The following CYB5B variants were observed in gnomAD, a reference collection of about 807,000 sequenced individuals.
The protein encoded by CYB5B is cytochrome b5 type B, also known as cytochrome b5 type B (outer mitochondrial membrane).
Under a neutral mutation model 21.3 loss-of-function variants are expected in CYB5B, and 14 were observed. The observed-to-expected ratio is 0.66, with a 90% CI of 0.43 to 1.03. The LOEUF is 1.03. CYB5B is among the 50% of genes least tolerant of loss of function. The pLI, the probability that CYB5B is intolerant of heterozygous loss-of-function variation, is 0.00. For missense variants in CYB5B, 166 were observed against 185.1 expected (o/e 0.90, Z 0.60); for synonymous variants, 69 against 68.4 (o/e 1.01, Z -0.04).
intron 4 of CYB5B, chr16:69,459,690 C>G (rs932345159): frequency 7.2e-5 from 11 of 152,358 alleles, no homozygotes; most frequent in Admixed American, 7.2e-4. Context: ...ACTGTGGAAT[C>G]CTTGGCTTGT....
intron 4 of CYB5B, chr16:69,459,543 T>TA (rs1406757857): frequency 6.4e-6 from 1 of 155,474 alleles, no homozygotes; most frequent in East Asian, 1.9e-4. Flanking sequence ...GAGAAAAAAA[T>TA]ACTACGGTCA....
intron 3 of CYB5B, among the ~76,000 whole-genome samples, chr16:69,456,502 A>G (rs1026795764): frequency 1.3e-5 from 2 of 152,246 alleles, no homozygotes; most frequent in South Asian, 4.1e-4. Flanking sequence ...CTTTTCGAAG[A>G]AAAAGAAGCA....
At chr16:69,430,673 CTTTTT>C (rs35661961) in intron 1 of CYB5B, among the ~76,000 whole-genome samples, 1 of 127,602 alleles carries the variant, frequency 7.8e-6, no homozygotes, top group Admixed American at 7.9e-5. Context: ...TATTTTAAAA[CTTTTT>C]TTTTTTTTTT....
intron 1 of CYB5B, among the ~76,000 whole-genome samples, chr16:69,429,574 A>G (rs1273253379): frequency 1.3e-5 from 2 of 152,318 alleles, no homozygotes; most frequent in East Asian, 3.9e-4. Flanking sequence ...TTAAGAGGAC[A>G]AGGGCAGAAT....
chr16:69,456,440 C>A (rs530214250), intron 3 of CYB5B, among the ~76,000 whole-genome samples: 46 of 152,278 alleles, frequency 3.0e-4, no homozygotes, highest in Non-Finnish European at 4.7e-4. Context: ...TGTTTTAGAA[C>A]CTATAATACC....
intron 4 of CYB5B, among the ~76,000 whole-genome samples, chr16:69,461,838 T>C (rs1344211528): frequency 6.6e-6 from 1 of 152,194 alleles, no homozygotes; most frequent in Non-Finnish European, 1.5e-5. Flanking sequence ...CTTTCTAGCT[T>C]TGGGATTTGG....
At chr16:69,436,170 C>G (rs1195373886) in intron 1 of CYB5B, among the ~76,000 whole-genome samples, 1 of 152,188 alleles carries the variant, frequency 6.6e-6, no homozygotes, top group Non-Finnish European at 1.5e-5. Context: ...ACTCCCAGCT[C>G]CCATTATGTT....
intron 3 of CYB5B, among the ~76,000 whole-genome samples, chr16:69,454,349 A>G (rs1192064619): frequency 6.6e-6 from 1 of 152,238 alleles, no homozygotes; most frequent in Non-Finnish European, 1.5e-5. Context: ...CCAGAAAGAA[A>G]TGGTTCTTAC....
rs766434837 is a variant in CYB5B, at chr16:69,424,820, A to G, written c.137A>G (p.His46Arg). ...TTGAAGGAACTGTGGCTTGTGATCC[A>G]TGGGCGAGTCTACGATGTCACCCGC... ...NSLKELWLVI[H>R]GRVYDVTRFL... Residue 46 changes from histidine to arginine, a missense_variant, in exon 1 of 5, where the codon CAT becomes CGT. By Grantham distance (29) the His-to-Arg change is conservative. Coordinates refer to ENST00000307892, the MANE Select transcript of CYB5B (RefSeq NM_030579.3). 2.5e-6 allele frequency: 4 copies of G among 1,602,652 alleles called. No homozygotes were observed. The highest frequency in any genetic ancestry group is 3.4e-6 in the Non-Finnish European group (4 of 1,174,422).
At chr16:69,459,289 C>A in intron 4 of CYB5B, 168 bp downstream of exon 4, 2 of 878,410 alleles carry the variant, frequency 2.3e-6, no homozygotes, top group Non-Finnish European at 3.4e-6. Context: ...GAAAAATTAA[C>A]TTTTACAGTT....
intron 1 of CYB5B, among the ~76,000 whole-genome samples, chr16:69,438,599 T>G (rs1031475177): frequency 2.0e-4 from 12 of 60,130 alleles, no homozygotes; most frequent in Admixed American, 8.3e-4. Context: ...TATGGTTTGA[T>G]TTTCATTTCT....
At chr16:69,442,128 G>T (rs2014829430) in intron 1 of CYB5B, among the ~76,000 whole-genome samples, 1 of 82,188 alleles carries the variant, frequency 1.2e-5, no homozygotes, top group South Asian at 3.9e-4. Flanking sequence ...ATATAAAAAT[G>T]CAGGGTGCTT....
chr16:69,447,639 T>C (rs1455964915), intron 2 of CYB5B, among the ~76,000 whole-genome samples: 1 of 44,100 alleles, frequency 2.3e-5, no homozygotes, highest in Admixed American at 2.6e-4. Context: ...CGAGACTCTG[T>C]CTCAAAAAAA....
chr16:69,450,391 T>A (rs1231825429), intron 3 of CYB5B, among the ~76,000 whole-genome samples: 2 of 152,200 alleles, frequency 1.3e-5, no homozygotes, highest in Non-Finnish European at 2.9e-5. Context: ...GTGTTTTCAA[T>A]CCTGTTTTCC....
intron 1 of CYB5B, among the ~76,000 whole-genome samples, chr16:69,426,838 T>C (rs1195146573): frequency 9.2e-5 from 14 of 152,172 alleles, no homozygotes; most frequent in East Asian, 5.8e-4. Context: ...ATCCCTTGAT[T>C]TCTCTTGTCT....
intron 3 of CYB5B, among the ~76,000 whole-genome samples, chr16:69,458,616 A>G (rs1025712777): frequency 2.0e-5 from 3 of 152,142 alleles, no homozygotes; most frequent in African/African-American, 7.2e-5. Flanking sequence ...GTGAACCAGT[A>G]TATTTTTGTG....
rs1445306592 is a variant in CYB5B at position 69,447,284 on chromosome 16, A to G, written c.303+6A>G. On this transcript the variant is annotated splice_donor_region_variant and intron_variant, in intron 2 of 4. Transcript: ENST00000307892. ...ACATTGGTGATATCCATCCGGTAAG[A>G]ACTATCAGAGATGGGAGCCCTTATG... is the stretch of plus-strand genomic sequence containing the variant. 1.2e-6 allele frequency: 2 copies of G among 1,612,802 alleles called. No homozygotes were observed. The highest frequency in any genetic ancestry group is 2.7e-5 in the African/African-American group (2 of 74,928).
intron 1 of CYB5B, among the ~76,000 whole-genome samples, chr16:69,432,026 C>T (rs2014711127): frequency 6.6e-6 from 1 of 152,088 alleles, no homozygotes. Context: ...AAAGAGCATT[C>T]CAGCAGCATT....
rs752281758 is a variant in CYB5B, at chr16:69,459,110, T to C, written c.351T>C (p.Asp117=). The part of the protein sequence containing the change: ...ESGSKDPSKN[D]TCKSCWAYWI... ...TATTTCAGGACCCTTCAAAAAATGA[T>C]ACATGCAAAAGGTTAGTATCTCCTT... The change falls in exon 4 of 5, where the codon GAT becomes GAC. Residue 117 remains aspartate, a synonymous_variant. Transcript: ENST00000307892. 4 of 1,604,068 alleles carry C rather than the reference T, an allele frequency of 2.5e-6. No homozygotes were observed. The highest frequency in any genetic ancestry group is 2.5e-6 in the Non-Finnish European group (3 of 1,176,632).
Sources: gnomAD v4.1 joint callset for allele counts (sites outside exome capture counted in the v4.1 genomes callset) on GRCh38, gnomAD v4.1.1 for gene constraint, MANE v1.5 for transcripts, NCBI Gene and HGNC (gene_info 2026-07-23, HGNC 2026-07-21) for gene names.